The following TANK variants were observed in gnomAD, a reference collection of about 807,000 sequenced individuals.
TANK encodes the protein TRAF family member-associated NF-kappa-B activator.
A neutral mutation model predicts 43.6 loss-of-function variants in TANK; 15 were observed. That is an observed-to-expected ratio of 0.34 (90% confidence interval 0.23 to 0.53). The LOEUF (loss-of-function observed/expected upper bound fraction) is 0.53, where lower values mean the gene tolerates loss of function less well. TANK is among the 20% of genes least tolerant of loss of function. TANK has a pLI of 0.94. For synonymous variants in TANK, 162 were observed against 178.2 expected, an observed-to-expected ratio of 0.91 and a Z score of 0.73; for missense variants, 417 against 498.6, an observed-to-expected ratio of 0.84 and a Z score of 1.56.
In TANK at chr2:161,181,353, G is replaced by A. The variant is rs191685374; in HGVS notation, c.99+1592G>A. On this transcript the variant is annotated intron_variant, in intron 2 of 7. Coordinates refer to ENST00000392749, the MANE Select transcript of TANK (RefSeq NM_001199135.3). Reference sequence around the variant, plus strand: ...GAGAATCACTTGAACCTAGGAGGCGGAAGTTGCAGTGAGCTGAGATTGCAC... The same window carrying A: ...GAGAATCACTTGAACCTAGGAGGCGAAAGTTGCAGTGAGCTGAGATTGCAC... Among the ~76,000 whole-genome samples, 5 of 152,270 alleles carry A rather than the reference G, an allele frequency of 3.3e-5. No individual in the cohort carries two copies. The East Asian group carries it at 9.7e-4, about 29-fold the overall frequency.
At chr2:161,149,845 A>T (rs1573946683) in intron 1 of TANK, among the ~76,000 whole-genome samples, 1 of 151,914 alleles carries the variant, frequency 6.6e-6, no homozygotes, top group East Asian at 1.9e-4. Flanking sequence ...ACACTTGATC[A>T]TGATGTATAA....
In TANK at chr2:161,207,932, A is replaced by G. The variant is rs568323184; in HGVS notation, c.327+3139A>G. On this transcript the variant is annotated intron_variant, in intron 4 of 7. Transcript: ENST00000392749. ...AATATACTTTAATGGTCTTCTGCAAAACTAACCTATTTCTAGAAATCACAT... is the reference window on the plus strand; with the variant it reads ...AATATACTTTAATGGTCTTCTGCAAGACTAACCTATTTCTAGAAATCACAT... 1.4e-5 allele frequency: 13 copies of G among 962,292 alleles called. No individual in the cohort carries two copies. In the African/African-American group the frequency reaches 2.3e-4, roughly 17 times the overall value. The allele number at this position is 962,292 out of a possible 1,614,324, so 59.6% of individuals were successfully genotyped here.
At chr2:161,148,893 T>C (rs1305499543) in intron 1 of TANK, among the ~76,000 whole-genome samples, 1 of 152,176 alleles carries the variant, frequency 6.6e-6, no homozygotes, top group East Asian at 1.9e-4. Context: ...TTGATTACTG[T>C]AGCTTTGTAG....
intron 2 of TANK, among the ~76,000 whole-genome samples, chr2:161,192,053 G>T (rs1319335918): frequency 6.6e-6 from 1 of 152,102 alleles, no homozygotes; most frequent in Non-Finnish European, 1.5e-5. Flanking sequence ...CTCCCAAAGT[G>T]CTGGGATTAC....
chr2:161,154,550 C>T (rs1019322718), intron 1 of TANK, among the ~76,000 whole-genome samples: 2 of 152,114 alleles, frequency 1.3e-5, no homozygotes, highest in Admixed American at 6.5e-5. Context: ...GCTTGAACAA[C>T]GGGTAGGAAT....
chr2:161,161,058 GGAAGAACA>G (rs1384528566), intron 1 of TANK: 26 of 665,600 alleles, frequency 3.9e-5, no homozygotes, highest in Non-Finnish European at 6.2e-5. Flanking sequence ...GGCCAAGGCA[GGAAGAACA>G]GAAGCCAACC....
chr2:161,230,395 C>T (rs954912277), intron 6 of TANK, among the ~76,000 whole-genome samples: 1 of 152,174 alleles, frequency 6.6e-6, no homozygotes, highest in Non-Finnish European at 1.5e-5. Flanking sequence ...TATTCATCCA[C>T]AGTTTTCTTA....
chr2:161,190,821 C>T (rs558540661), intron 2 of TANK, among the ~76,000 whole-genome samples: 7 of 151,918 alleles, frequency 4.6e-5, no homozygotes, highest in South Asian at 4.2e-4. Context: ...GGAATTACTG[C>T]GTAATGGATA....
chr2:161,231,611 G>A, intron 7 of TANK, 60 bp downstream of exon 7: 1 of 1,393,824 alleles, frequency 7.2e-7, no homozygotes, highest in Non-Finnish European at 1.0e-6. Flanking sequence ...TGCCATACAT[G>A]CACAGATATG....
At position 161,142,772 on chromosome 2, in the gene TANK, T is replaced by C. The variant is rs140458298; in HGVS notation, c.-50+5709T>C. 6.2e-3 allele frequency among the ~76,000 whole-genome samples: 942 copies of C among 152,324 alleles called. 19 individuals are homozygous for C. The highest frequency in any genetic ancestry group is 5.8e-3 in the Non-Finnish European group (395 of 68,024). Reference sequence around the variant, plus strand: ...AGGTAGCGTGATGCCTCCAGGTTGTTCTTTTTGCTTAGGATTGTCTTGGCT... The same window carrying C: ...AGGTAGCGTGATGCCTCCAGGTTGTCCTTTTTGCTTAGGATTGTCTTGGCT... On this transcript the variant is annotated intron_variant, in intron 1 of 7. Coordinates refer to the TANK transcript ENST00000259075.
In TANK at chr2:161,212,248, A is replaced by G. The variant is rs890318443; in HGVS notation, c.327+7455A>G. The G allele has an allele frequency of 1.2e-5, 5 of 426,902 alleles. No homozygotes were observed. In the East Asian group the frequency reaches 8.0e-4, roughly 68 times the overall value. The allele number at this position is 426,902 out of a possible 1,614,324, so 26.4% of individuals were successfully genotyped here. A position where few individuals can be genotyped will look rare whatever the true frequency, so the allele number is the denominator to read the frequency against. On this transcript the variant is annotated intron_variant, in intron 4 of 7. Transcript: ENST00000392749. ...GCTAATTTTTGTATTTTTAGTAGAG[A>G]CGGGGTTTCACTATGTTGGCCAGGC...
intron 1 of TANK, chr2:161,160,707 C>A: frequency 2.0e-6 from 1 of 502,438 alleles, no homozygotes; most frequent in Non-Finnish European, 3.8e-6. Context: ...GGGTTGGTTT[C>A]CGGGCCCGCG....
chr2:161,153,076 C>T (rs941059150), intron 1 of TANK, among the ~76,000 whole-genome samples: 1 of 151,992 alleles, frequency 6.6e-6, no homozygotes, highest in African/African-American at 2.4e-5. Flanking sequence ...TTATCACATT[C>T]TCTGACTCTT....
At chr2:161,139,803 TAAAC>T in intron 1 of TANK, 1 of 985,402 alleles carries the variant, frequency 1.0e-6, no homozygotes, top group Non-Finnish European at 1.2e-6. Flanking sequence ...AGCAGCCAAA[TAAAC>T]AAAGCAGCTA....
At position 161,179,601 on chromosome 2, in the gene TANK, CATT is replaced by C. The variant is rs974007466; in HGVS notation, c.-49-9_-49-7del. ...ACTTAGTAATTATCTAAATTGATCT[CATT>C]ATTTTGCAGACCTGTCATTTACTCC... On this transcript the variant is annotated splice_polypyrimidine_tract_variant and intron_variant, in intron 1 of 7. Transcript: ENST00000392749. 6.3e-7 allele frequency: 1 copy of C among 1,589,558 alleles called. No individual in the cohort carries two copies. The highest frequency in any genetic ancestry group is 1.4e-5 in the African/African-American group (1 of 73,700).
At chr2:161,185,848 A>G (rs1685636872) in intron 2 of TANK, among the ~76,000 whole-genome samples, 1 of 152,078 alleles carries the variant, frequency 6.6e-6, no homozygotes, top group South Asian at 2.1e-4. Flanking sequence ...TGTACCCTAA[A>G]ACTTAAAGTA....
upstream of TANK, among the ~76,000 whole-genome samples, chr2:161,158,149 G>A (rs930111326): frequency 2.0e-5 from 3 of 152,162 alleles, no homozygotes; most frequent in African/African-American, 7.2e-5. Context: ...CAAAGTGTTA[G>A]GATTATATGT....
intron 1 of TANK, among the ~76,000 whole-genome samples, chr2:161,144,612 T>A: frequency 6.6e-6 from 1 of 152,238 alleles, no homozygotes; most frequent in East Asian, 1.9e-4. Context: ...TGTGTCATTT[T>A]GAGTGAGTTT....
intron 6 of TANK, among the ~76,000 whole-genome samples, chr2:161,229,110 G>T (rs941175105): frequency 1.3e-5 from 2 of 152,204 alleles, no homozygotes; most frequent in Non-Finnish European, 2.9e-5. Flanking sequence ...AGAAACTTAT[G>T]TCCAAGCCAA....
Sources: gnomAD v4.1 joint callset for allele counts (sites outside exome capture counted in the v4.1 genomes callset) on GRCh38, gnomAD v4.1.1 for gene constraint, MANE v1.5 for transcripts, NCBI Gene and HGNC (gene_info 2026-07-23, HGNC 2026-07-21) for gene names.